The following OR1J2 variants were observed in gnomAD, a reference collection of about 807,000 sequenced individuals.
OR1J2 encodes the protein olfactory receptor 1J2.
For synonymous variants in OR1J2, 142 were observed against 99.7 expected (o/e 1.42, Z -2.52); for missense variants, 304 against 246.1 (o/e 1.24, Z -1.57).
At chr9:122,555,382 A>G in the OR1J2 span, among the ~76,000 whole-genome samples, 37,233 of 152,166 alleles carry the variant, frequency 0.24, 4,915 homozygotes, top group Middle Eastern at 0.34. Flanking sequence ...GAGACAACTA[A>G]GGAAACCAGA....
the OR1J2 span, among the ~76,000 whole-genome samples, chr9:122,500,807 T>C: frequency 4.3e-4 from 66 of 152,336 alleles, no homozygotes; most frequent in African/African-American, 1.5e-3. Flanking sequence ...CTTTGACTTT[T>C]GAAAGTTTCT....
At chr9:122,533,028 T>C in the OR1J2 span, among the ~76,000 whole-genome samples, 50,096 of 151,814 alleles carry the variant, frequency 0.33, 8,603 homozygotes, top group East Asian at 0.54. Flanking sequence ...CCCAGGTAAT[T>C]TGCTGAGCCT....
the OR1J2 span, among the ~76,000 whole-genome samples, chr9:122,499,914 G>A: frequency 6.6e-6 from 1 of 152,196 alleles, no homozygotes; most frequent in East Asian, 1.9e-4. Context: ...CACCAAGCTG[G>A]CCTTGGCTGC....
At chr9:122,519,555 G>A in the OR1J2 span, 2 of 1,613,910 alleles carry the variant, frequency 1.2e-6, no homozygotes, top group Non-Finnish European at 1.7e-6. Flanking sequence ...CATGAAAGAG[G>A]GACTGTGTAA....
Position 122,511,313 on chromosome 9 carries a change from C to T in OR1J2, c.512C>T (p.Ala171Val), listed in dbSNP as rs200185396. 84 of 729,596 alleles carry T rather than the reference C, an allele frequency of 1.2e-4. 2 individuals are homozygous for T. The Admixed American group carries it at 1.3e-3, about 11-fold the overall frequency. The allele number at this position is 729,596 out of a possible 1,614,324, so 45.2% of individuals were successfully genotyped here. ...CTGACCCGGCTGTCTTTCTGTGCTGCGAACACCATCCCCCATGTCTTCTGT... is the reference window on the plus strand; with the variant it reads ...CTGACCCGGCTGTCTTTCTGTGCTGTGAACACCATCCCCCATGTCTTCTGT... ...LLLTRLSFCAANTIPHVFCDL... is the reference protein window; with the variant it reads ...LLLTRLSFCAVNTIPHVFCDL... Residue 171 changes from alanine to valine, a missense_variant, in exon 1 of 1, where the codon GCG becomes GTG. Transcript: ENST00000335302.
the OR1J2 span, among the ~76,000 whole-genome samples, chr9:122,490,510 C>T: frequency 6.6e-6 from 1 of 152,036 alleles, no homozygotes; most frequent in Non-Finnish European, 1.5e-5. Context: ...GTTTCCCACA[C>T]AGAACAGCAA....
At chr9:122,519,907 T>C in the OR1J2 span, 2 of 1,614,200 alleles carry the variant, frequency 1.2e-6, no homozygotes, top group Non-Finnish European at 1.7e-6. Context: ...GGCACAATTA[T>C]TGGACTGTAT....
the OR1J2 span, among the ~76,000 whole-genome samples, chr9:122,523,640 G>A: frequency 6.6e-6 from 1 of 152,162 alleles, no homozygotes; most frequent in South Asian, 2.1e-4. Flanking sequence ...TAATTGATGG[G>A]AAGTAGGTGA....
At chr9:122,530,739 A>G in the OR1J2 span, among the ~76,000 whole-genome samples, 1 of 152,126 alleles carries the variant, frequency 6.6e-6, no homozygotes, top group Non-Finnish European at 1.5e-5. Flanking sequence ...GGGCCGTTTT[A>G]TAAGATTTGG....
chr9:122,551,751 C>T, the OR1J2 span, among the ~76,000 whole-genome samples: 2 of 152,006 alleles, frequency 1.3e-5, no homozygotes, highest in East Asian at 1.9e-4. Context: ...ACACCGAGGT[C>T]GACCTTAACG....
chr9:122,479,779 G>A, the OR1J2 span, among the ~76,000 whole-genome samples: 2 of 151,914 alleles, frequency 1.3e-5, no homozygotes, highest in African/African-American at 4.8e-5. Context: ...TCTTTTTCTT[G>A]AAAGATTAGA....
At chr9:122,553,987 T>C in the OR1J2 span, 85 of 1,613,664 alleles carry the variant, frequency 5.3e-5, no homozygotes, top group Admixed American at 5.0e-5. Context: ...GGGTCTCTTA[T>C]GGGTGTGTAT....
chr9:122,509,576 A>G (rs1057208849), upstream of OR1J2, among the ~76,000 whole-genome samples: 8 of 152,268 alleles, frequency 5.3e-5, no homozygotes, highest in Non-Finnish European at 1.2e-4. Flanking sequence ...GGGAATCACA[A>G]GAAATCCACA....
chr9:122,477,025 A>T, the OR1J2 span: 1 of 1,613,568 alleles, frequency 6.2e-7, no homozygotes, highest in Non-Finnish European at 8.5e-7. Context: ...GAGTTTTCTT[A>T]GGGCTCCCTT....
the OR1J2 span, chr9:122,448,974 C>CAAAAAAA: frequency 3.1e-5 from 3 of 97,076 alleles, no homozygotes; most frequent in Non-Finnish European, 5.8e-5. Context: ...GCCGTGTCTA[C>CAAAAAAA]AAAAAAAAAA....
chr9:122,570,299 G>A, the OR1J2 span, among the ~76,000 whole-genome samples: 4 of 152,092 alleles, frequency 2.6e-5, no homozygotes, highest in Non-Finnish European at 5.9e-5. Flanking sequence ...CCCACCAACA[G>A]TGTAAAATTG....
chr9:122,490,466 T>C, the OR1J2 span, among the ~76,000 whole-genome samples: 2 of 152,140 alleles, frequency 1.3e-5, no homozygotes, highest in Non-Finnish European at 2.9e-5. Flanking sequence ...CCCTTAAAGG[T>C]ATTTTGTGTG....
At chr9:122,551,358 T>C in the OR1J2 span, among the ~76,000 whole-genome samples, 5 of 152,204 alleles carry the variant, frequency 3.3e-5, no homozygotes, top group African/African-American at 1.2e-4. Flanking sequence ...GCAGCTGCTT[T>C]GTATGAGGCA....
chr9:122,461,039 A>G, the OR1J2 span, among the ~76,000 whole-genome samples: 4 of 152,136 alleles, frequency 2.6e-5, no homozygotes, highest in Admixed American at 1.3e-4. Flanking sequence ...TTCTAGGTAT[A>G]CAATCATATC....
Sources: gnomAD v4.1 joint callset for allele counts (sites outside exome capture counted in the v4.1 genomes callset) on GRCh38, gnomAD v4.1.1 for gene constraint, MANE v1.5 for transcripts, NCBI Gene and HGNC (gene_info 2026-07-23, HGNC 2026-07-21) for gene names.